Variants in CAMTA2 observed in about 807,000 individuals in gnomAD.
The protein encoded by CAMTA2 is calmodulin-binding transcription activator 2.
In CAMTA2, 56 loss-of-function variants were observed where a neutral mutation model predicts 135.7. The ratio of observed to expected loss-of-function variants is 0.41; its 90% CI spans 0.33 to 0.52. The LOEUF (loss-of-function observed/expected upper bound fraction) is 0.52, where lower values mean the gene tolerates loss of function less well. Among genes scored for constraint, CAMTA2 ranks in the 20% least tolerant of loss-of-function variants. The pLI, the probability that CAMTA2 is intolerant of heterozygous loss-of-function variation, is 0.16. For synonymous variants in CAMTA2, 591 were observed against 604.6 expected, an observed-to-expected ratio of 0.98 and a Z score of 0.33; for missense variants, 1,358 against 1,553.4, an observed-to-expected ratio of 0.87 and a Z score of 2.11.
intron 6 of CAMTA2, 119 bp downstream of exon 6, chr17:4,981,970 C>A: frequency 7.9e-7 from 1 of 1,269,826 alleles, no homozygotes; most frequent in South Asian, 1.2e-5. Context: ...GCCCCTTTCT[C>A]TTCTTCCCAG....
chr17:4,987,074 C>T (rs1476327697), intron 1 of CAMTA2: 3 of 1,395,786 alleles, frequency 2.1e-6, no homozygotes, highest in Non-Finnish European at 2.8e-6. Context: ...GGAGGAGGCC[C>T]GTCGGGCTCG....
Position 4,978,505 on chromosome 17 carries a change from G to C in CAMTA2, c.1764C>G (p.Pro588=), listed in dbSNP as rs191877524. ...CCCTACGGTTCCCAATCCTCATACC[G>C]GGACAGTAGCAGCGTAAGACACCAG... is the stretch of plus-strand genomic sequence containing the variant. ...VQPGVLRCYC[P]AHEVGLVSLQ... is the part of the protein sequence containing the mutation. The change falls in exon 10 of 23, where the codon CCC becomes CCG. Residue 588 remains proline (P), a splice_region_variant and synonymous_variant. Transcript: ENST00000348066. 6.2e-7 allele frequency: 1 copy of C among 1,613,728 alleles called. No individual in the cohort carries two copies. The highest frequency in any genetic ancestry group is 2.2e-5 in the East Asian group (1 of 44,888).
chr17:4,984,951 A>G (rs1973168812), intron 3 of CAMTA2, among the ~76,000 whole-genome samples: 2 of 151,284 alleles, frequency 1.3e-5, no homozygotes, highest in South Asian at 4.2e-4. Flanking sequence ...TGGGAGGCAG[A>G]GCTTGCAGTG....
Position 4,977,017 on chromosome 17 carries a change from C to G in CAMTA2, c.1900+41G>C, listed in dbSNP as rs1054704366. On this transcript the variant is annotated intron_variant, in intron 11 of 22. Coordinates refer to ENST00000348066, the MANE Select transcript of CAMTA2 (RefSeq NM_015099.4). ...TCTAGGAGCATGTCATGCTTAAAGG[C>G]TGTGGGCTGGATACTTGGGTTCAGA... 3 of 1,609,580 alleles carry G rather than the reference C, an allele frequency of 1.9e-6. No homozygotes were observed. In the African/African-American group the frequency reaches 4.0e-5, roughly 21 times the overall value.
intron 2 of CAMTA2, 80 bp downstream of exon 2, chr17:4,986,112 A>G: frequency 8.9e-7 from 1 of 1,123,640 alleles, no homozygotes; most frequent in Admixed American, 1.7e-5. Flanking sequence ...AGAACAGAAA[A>G]TCCAAGAATT....
At chr17:4,970,149 A>G in intron 17 of CAMTA2, 64 bp from the exon 18 acceptor site, 2 of 1,510,966 alleles carry the variant, frequency 1.3e-6, no homozygotes, top group Non-Finnish European at 1.8e-6. Context: ...CCACCTATGG[A>G]TGGCTACGAA....
chr17:4,977,146 C>A lies in CAMTA2; in HGVS notation c.1812G>T (p.Gly604=). Residue 604 remains glycine (G), a synonymous_variant, in exon 11 of 23, where the codon GGG becomes GGT. Transcript: ENST00000348066. ...CAAAGAGCACAGAAGCAGAAAGGGG[C>A]CCCTCCCGCCCTGCCACCTGCAAAG... The part of the protein sequence containing the change: ...LVSLQVAGRE[G]PLSASVLFEY... 1 of 1,614,062 alleles carries A rather than the reference C, an allele frequency of 6.2e-7. No individual in the cohort carries two copies.
chr17:4,974,470 C>A lies in CAMTA2; in HGVS notation c.1931G>T (p.Arg644Leu). The stretch of plus-strand genomic sequence containing the variant: ...CATCCGCTTCTCCATCTGCTCCAGT[C>A]GCTCTAGTATGGACATCCGGAACTG... ...DNQFRMSILE[R>L]LEQMEKRMAE... Residue 644 changes from arginine (R) to leucine (L), a missense_variant, in exon 12 of 23, where the codon CGA becomes CTA. Around this residue, in one of 4 missense-constraint regions of CAMTA2, gnomAD observed 1,077 missense variants for 1,127.5 expected, o/e 0.96. Transcript: ENST00000348066. 1 of 1,614,000 alleles carries A rather than the reference C, an allele frequency of 6.2e-7. No individual in the cohort carries two copies. Among genetic ancestry groups the A allele is most frequent in the South Asian group, 1.1e-5 (1 of 91,052 alleles).
rs370540160 is a variant in CAMTA2 at position 4,981,760 on chromosome 17, G to A, written c.483C>T (p.Pro161=). The A allele has an allele frequency of 1.2e-6, 2 of 1,613,594 alleles. No individual in the cohort carries two copies. The highest frequency in any genetic ancestry group is 1.6e-4 in the Middle Eastern group (1 of 6,082). The change falls in exon 7 of 23, where the codon CCC becomes CCT. Residue 161 remains proline (P), a synonymous_variant. Coordinates refer to ENST00000348066, the MANE Select transcript of CAMTA2 (RefSeq NM_015099.4). Reference sequence around the variant, plus strand: ...GGTCGCTGCTGATGGAACAAAAGATGGGGCTGCAGCCCTTTCCACAGTCCT... The same window carrying A: ...GGTCGCTGCTGATGGAACAAAAGATAGGGCTGCAGCCCTTTCCACAGTCCT... The part of the protein sequence containing the change: ...ALEDCGKGCS[P]IFCSISSDRR...
Position 4,969,931 on chromosome 17 carries a change from C to T in CAMTA2, c.3160G>A (p.Val1054Ile), listed in dbSNP as rs1972161667. ...TACTTTCGGAAGGCCGTCTGGATGA[C>T]TCGGGCAGCCTCATACAGTTCCCGC... ...EQRELYEAAR[V>I]IQTAFRKYKG... Residue 1054 changes from valine to isoleucine, a missense_variant, in exon 18 of 23, where the codon GTC (valine) becomes ATC (isoleucine). Val to Ile is a conservative substitution (Grantham distance 29). Around this residue, in one of 4 missense-constraint regions of CAMTA2, gnomAD observed 167 missense variants for 207.0 expected, o/e 0.81. Transcript: ENST00000348066. The surrounding 1 kb of genome is among the most constrained non-coding windows in gnomAD (Gnocchi z 5.6). The T allele has an allele frequency of 1.2e-6, 2 of 1,614,216 alleles. No homozygotes were observed. The highest frequency in any genetic ancestry group is 1.1e-5 in the South Asian group (1 of 91,090).
At chr17:4,985,025 A>AC (rs1973177953) in intron 3 of CAMTA2, among the ~76,000 whole-genome samples, 2 of 130,276 alleles carry the variant, frequency 1.5e-5, no homozygotes, top group East Asian at 2.0e-4. Context: ...TCAAAAAAAA[A>AC]ACAAACAAAA....
chr17:4,969,183 T>G lies in CAMTA2; in HGVS notation c.3437A>C (p.His1146Pro). Residue 1146 changes from histidine to proline, a missense_variant, in exon 21 of 23, where the codon CAC (histidine) becomes CCC (proline). Around this residue, in one of 4 missense-constraint regions of CAMTA2, gnomAD observed 167 missense variants for 207.0 expected, o/e 0.81. Coordinates refer to ENST00000348066, the MANE Select transcript of CAMTA2 (RefSeq NM_015099.4). The surrounding 1 kb of genome is among the most constrained non-coding windows in gnomAD (Gnocchi z 5.6). ...RSYRRRPGPP[H>P]RTSATLPARN... ...GGCAGGCAGGGTGGCCGAAGTCCGG[T>G]GGGGAGGGCCGGGCCTGCGGCGGTA... 6.2e-7 allele frequency: 1 copy of G among 1,610,438 alleles called. No individual in the cohort carries two copies. Among genetic ancestry groups the G allele is most frequent in the South Asian group, 1.1e-5 (1 of 90,922 alleles).
At chr17:4,983,095 C>A in intron 3 of CAMTA2, 52 bp from the exon 4 acceptor site, 1 of 1,487,624 alleles carries the variant, frequency 6.7e-7, no homozygotes, top group East Asian at 2.3e-5. Context: ...AGAGTCTCAG[C>A]CTGGCCTCTT....
intron 3 of CAMTA2, among the ~76,000 whole-genome samples, chr17:4,985,509 C>G (rs1237978541): frequency 6.6e-6 from 1 of 152,148 alleles, no homozygotes. Context: ...CTGCAGCCTC[C>G]GCCTCCCTGG....
chr17:4,974,242 CAG>C (rs1481204237), intron 12 of CAMTA2, 141 bp downstream of exon 12: 1 of 633,914 alleles, frequency 1.6e-6, no homozygotes, highest in Non-Finnish European at 2.8e-6. Context: ...GGGATGGGAA[CAG>C]GGTGACGTCA....
intron 16 of CAMTA2, among the ~76,000 whole-genome samples, chr17:4,971,163 A>G (rs1345193647): frequency 6.6e-6 from 1 of 152,178 alleles, no homozygotes; most frequent in Non-Finnish European, 1.5e-5. Context: ...TCATTCCACA[A>G]GACTTTCTTA....
In CAMTA2 at chr17:4,968,464, G is replaced by A. The variant is rs908842399; in HGVS notation, c.*292C>T. ...GAGGGGGCCGAGTCGGGTGCAGGCA[G>A]GAGGAGCTGGGGAGCAGGGGCAGGC... On this transcript the variant is annotated 3_prime_UTR_variant, in exon 23 of 23. Coordinates refer to ENST00000348066, the MANE Select transcript of CAMTA2 (RefSeq NM_015099.4). 33 of 545,530 alleles carry A rather than the reference G, an allele frequency of 6.0e-5. No individual in the cohort carries two copies. The highest frequency in any genetic ancestry group is 5.5e-4 in the African/African-American group (29 of 52,754). 33.8% of individuals were successfully genotyped at this position (545,530 alleles called of 1,614,324 possible).
chr17:4,986,513 G>T, intron 1 of CAMTA2: 1 of 542,436 alleles, frequency 1.8e-6, no homozygotes, highest in Non-Finnish European at 3.2e-6. Flanking sequence ...GAAGAAATGG[G>T]TTGGGGTGGG....
At chr17:4,977,016 G>T in intron 11 of CAMTA2, 42 bp downstream of exon 11, 1 of 1,609,230 alleles carries the variant, frequency 6.2e-7, no homozygotes, top group Non-Finnish European at 8.5e-7. Flanking sequence ...ATGCTTAAAG[G>T]CTGTGGGCTG....
Sources: gnomAD v4.1 joint callset for allele counts (sites outside exome capture counted in the v4.1 genomes callset) on GRCh38, gnomAD v4.1.1 for gene constraint, gnomAD v4.1.1 regional missense constraint, Gnocchi (gnomAD v3.1) non-coding constraint, MANE v1.5 for transcripts, NCBI Gene and HGNC (gene_info 2026-07-23, HGNC 2026-07-21) for gene names.